Variants in CNTN3 observed in about 807,000 individuals in gnomAD.
CNTN3 encodes contactin 3.
A neutral mutation model predicts 119.1 loss-of-function variants in CNTN3; 60 were observed. That is an observed-to-expected ratio of 0.50 (90% confidence interval 0.41 to 0.62). CNTN3 has a LOEUF of 0.62. CNTN3 is among the 20% of genes least tolerant of loss of function. The probability of loss-of-function intolerance (pLI) is 0.00; values close to 1 mark genes in which losing one functional copy is unlikely to be tolerated. For missense variants in CNTN3, 1,101 were observed against 1,242.4 expected, an observed-to-expected ratio of 0.89 and a Z score of 1.71; for synonymous variants, 450 against 438.7, an observed-to-expected ratio of 1.03 and a Z score of -0.32.
chr3:74,535,250 C>G (rs1333589098), intron 1 of CNTN3, among the ~76,000 whole-genome samples: 1 of 151,942 alleles, frequency 6.6e-6, no homozygotes, highest in African/African-American at 2.4e-5. Flanking sequence ...GAATTCACAC[C>G]TATTAGGGGC....
chr3:74,350,654 A>G lies in CNTN3; in HGVS notation c.1364+11236T>C, dbSNP rs149755118. 2.0e-5 allele frequency among the ~76,000 whole-genome samples: 3 copies of G among 152,290 alleles called. No homozygotes were observed. The East Asian group carries it at 5.8e-4, about 29-fold the overall frequency. Reference sequence around the variant, plus strand: ...ATCACAGCACTATTCCCAAGAGTAAAGTCATGGGATCAACCTAGTTGCCCA... The same window carrying G: ...ATCACAGCACTATTCCCAAGAGTAAGGTCATGGGATCAACCTAGTTGCCCA... On this transcript the variant is annotated intron_variant, in intron 11 of 22. Coordinates refer to ENST00000263665, the MANE Select transcript of CNTN3 (RefSeq NM_020872.3).
intron 1 of CNTN3, among the ~76,000 whole-genome samples, chr3:74,603,896 A>C (rs1299466733): frequency 1.3e-5 from 2 of 152,152 alleles, no homozygotes; most frequent in African/African-American, 4.8e-5. Context: ...TGGAGGCATC[A>C]CACTACCTAA....
chr3:74,327,600 ATGT>A (rs1386596190), intron 13 of CNTN3, among the ~76,000 whole-genome samples: 3 of 152,098 alleles, frequency 2.0e-5, no homozygotes, highest in Non-Finnish European at 4.4e-5. Flanking sequence ...CACACTTTTA[ATGT>A]TGTCAAATAG....
intron 5 of CNTN3, among the ~76,000 whole-genome samples, chr3:74,412,380 G>A (rs1559589044): frequency 6.6e-6 from 1 of 152,122 alleles, no homozygotes; most frequent in Non-Finnish European, 1.5e-5. Flanking sequence ...AAACAAATTT[G>A]GAAAACTATT....
At chr3:74,404,522 G>A (rs1705275982) in intron 5 of CNTN3, among the ~76,000 whole-genome samples, 1 of 151,920 alleles carries the variant, frequency 6.6e-6, no homozygotes. Flanking sequence ...TTCCTTCTCA[G>A]AAAAGTTCAG....
intron 1 of CNTN3, among the ~76,000 whole-genome samples, chr3:74,536,880 G>A (rs1433078916): frequency 6.6e-6 from 1 of 152,060 alleles, no homozygotes; most frequent in Non-Finnish European, 1.5e-5. Flanking sequence ...ATAAATCAGA[G>A]CAGAGTGCCA....
At chr3:74,517,303 G>A (rs1356529813) in intron 2 of CNTN3, among the ~76,000 whole-genome samples, 1 of 151,878 alleles carries the variant, frequency 6.6e-6, no homozygotes, top group Non-Finnish European at 1.5e-5. Context: ...AGCCACTGAG[G>A]AGATCAGGTC....
chr3:74,364,674 T>C, intron 9 of CNTN3, 78 bp from the exon 10 acceptor site: 1 of 1,265,418 alleles, frequency 7.9e-7, no homozygotes, highest in South Asian at 1.3e-5. Context: ...ATCATTTCAC[T>C]CACACAGAAA....
chr3:74,610,547 A>T (rs1375647195), intron 1 of CNTN3, among the ~76,000 whole-genome samples: 1 of 152,140 alleles, frequency 6.6e-6, no homozygotes. Context: ...TAGTGTTTAA[A>T]TCCCACACAG....
chr3:74,447,700 A>G (rs1162614530), intron 4 of CNTN3, among the ~76,000 whole-genome samples: 1 of 152,136 alleles, frequency 6.6e-6, no homozygotes, highest in East Asian at 1.9e-4. Context: ...AAGATTTACC[A>G]TTAACTCTCT....
chr3:74,612,096 A>G (rs1173262315), intron 1 of CNTN3, among the ~76,000 whole-genome samples: 1 of 152,202 alleles, frequency 6.6e-6, no homozygotes, highest in African/African-American at 2.4e-5. Flanking sequence ...CATGAACCAT[A>G]TTAAGAGTTA....
chr3:74,492,687 G>C (rs1307053388), intron 3 of CNTN3, among the ~76,000 whole-genome samples: 1 of 152,106 alleles, frequency 6.6e-6, no homozygotes, highest in Non-Finnish European at 1.5e-5. Flanking sequence ...TAAAACATCA[G>C]TGGCTGAGGG....
At chr3:74,476,871 T>C (rs941641195) in intron 4 of CNTN3, among the ~76,000 whole-genome samples, 5 of 151,896 alleles carry the variant, frequency 3.3e-5, no homozygotes, top group African/African-American at 1.2e-4. Context: ...AGCTAAGCAG[T>C]TAACATGGAA....
At chr3:74,370,370 AT>A (rs1351668841) in intron 6 of CNTN3, among the ~76,000 whole-genome samples, 2 of 152,134 alleles carry the variant, frequency 1.3e-5, no homozygotes, top group Non-Finnish European at 2.9e-5. Flanking sequence ...ATTACACAAA[AT>A]GGGAGGCTTT....
intron 12 of CNTN3, among the ~76,000 whole-genome samples, chr3:74,336,268 A>T (rs767876121): frequency 2.0e-5 from 3 of 152,154 alleles, no homozygotes; most frequent in Non-Finnish European, 2.9e-5. Context: ...AAAAAAATAG[A>T]ATGAGATCAT....
rs555758885 is a variant in CNTN3 at position 74,264,255 on chromosome 3, T to C, written c.*146A>G. 2.3e-6 allele frequency: 1 copy of C among 440,090 alleles called. No individual in the cohort carries two copies. Among genetic ancestry groups the C allele is most frequent in the South Asian group, 7.3e-5 (1 of 13,724 alleles). The allele number at this position is 440,090 out of a possible 1,614,324, so 27.3% of individuals were successfully genotyped here. Reference sequence around the variant, plus strand: ...GATTCCCCTAAAAGGATTTACTGTTTTTTTAATTATATTCATATTTACCTA... The same window carrying C: ...GATTCCCCTAAAAGGATTTACTGTTCTTTTAATTATATTCATATTTACCTA... On this transcript the variant is annotated 3_prime_UTR_variant, in exon 23 of 23. Coordinates refer to ENST00000263665, the MANE Select transcript of CNTN3 (RefSeq NM_020872.3).
chr3:74,288,378 C>T (rs570328202), intron 19 of CNTN3, among the ~76,000 whole-genome samples: 57 of 151,952 alleles, frequency 3.8e-4, no homozygotes, highest in African/African-American at 1.0e-3. Flanking sequence ...ATCCTGGACT[C>T]GAACTCCTGA....
At chr3:74,373,662 T>A (rs1232080002) in intron 5 of CNTN3, among the ~76,000 whole-genome samples, 1 of 152,192 alleles carries the variant, frequency 6.6e-6, no homozygotes, top group Non-Finnish European at 1.5e-5. Context: ...ATCACAAATA[T>A]AATTCTGATT....
intron 13 of CNTN3, among the ~76,000 whole-genome samples, chr3:74,305,941 G>C (rs182022322): frequency 1.3e-5 from 2 of 151,772 alleles, no homozygotes; most frequent in Admixed American, 6.6e-5. Flanking sequence ...GAGAAGTCAA[G>C]TAACATGACT....
Sources: gnomAD v4.1 joint callset for allele counts (sites outside exome capture counted in the v4.1 genomes callset) on GRCh38, gnomAD v4.1.1 for gene constraint, MANE v1.5 for transcripts, NCBI Gene and HGNC (gene_info 2026-07-23, HGNC 2026-07-21) for gene names.